MCCC1: variants seen among roughly 807,000 people sequenced by gnomAD.
The protein encoded by MCCC1 is methylcrotonyl-CoA carboxylase subunit 1.
Under a neutral mutation model 83.8 loss-of-function variants are expected in MCCC1, and 64 were observed. The observed-to-expected ratio is 0.76, with a 90% CI of 0.62 to 0.94. MCCC1 has a LOEUF of 0.94. Ranked by LOEUF, MCCC1 falls within the 40% of genes least tolerant of loss-of-function variation. The probability of loss-of-function intolerance (pLI) is 0.00; values close to 1 mark genes in which losing one functional copy is unlikely to be tolerated. For missense variants in MCCC1, 807 were observed against 904.7 expected (o/e 0.89, Z 1.39); for synonymous variants, 322 against 315.4 (o/e 1.02, Z -0.22).
At chr3:183,069,033 T>C (rs1360755117) in intron 7 of MCCC1, among the ~76,000 whole-genome samples, 1 of 152,228 alleles carries the variant, frequency 6.6e-6, no homozygotes, top group Non-Finnish European at 1.5e-5. Context: ...AGAATATTAA[T>C]AATAATTAGG....
rs1718784618 is a variant in MCCC1, at chr3:183,097,013, G to C, written c.89+2339C>G. On this transcript the variant is annotated intron_variant, in intron 1 of 18. Transcript: ENST00000265594. ...TTGCAATCTTCTAGTGAAGACAGAA[G>C]AAGGGAGAGAGGGAAAAAGAGGGAG... Among the ~76,000 whole-genome samples, 3 of 152,218 alleles carry C rather than the reference G, an allele frequency of 2.0e-5. No individual in the cohort carries two copies. The South Asian group carries it at 6.2e-4, about 32-fold the overall frequency.
intron 11 of MCCC1, among the ~76,000 whole-genome samples, chr3:183,039,415 T>C (rs1713888243): frequency 6.6e-6 from 1 of 152,106 alleles, no homozygotes; most frequent in South Asian, 2.1e-4. Flanking sequence ...TGAATCTTCT[T>C]TTCCCTTCTC....
At chr3:183,056,861 A>C (rs1476498551) in intron 8 of MCCC1, among the ~76,000 whole-genome samples, 1 of 152,048 alleles carries the variant, frequency 6.6e-6, no homozygotes, top group East Asian at 1.9e-4. Flanking sequence ...AGCCCGGCTA[A>C]TTTTGTATTT....
chr3:183,095,374 T>C (rs1275658093), intron 1 of MCCC1, among the ~76,000 whole-genome samples: 2 of 152,168 alleles, frequency 1.3e-5, no homozygotes, highest in Middle Eastern at 3.2e-3. Flanking sequence ...ATCTACAGTT[T>C]GAAAAATACC....
At chr3:183,106,839 C>T (rs1291938668) in intron 1 of MCCC1, among the ~76,000 whole-genome samples, 1 of 152,082 alleles carries the variant, frequency 6.6e-6, no homozygotes, top group African/African-American at 2.4e-5. Context: ...CTTTCTCTCT[C>T]TCCCTCTCCT....
chr3:183,027,595 T>C (rs1712716045), intron 14 of MCCC1, among the ~76,000 whole-genome samples: 1 of 152,172 alleles, frequency 6.6e-6, no homozygotes, highest in Non-Finnish European at 1.5e-5. Context: ...GCAGGACTGC[T>C]TGAGCCTGGG....
rs190336815 is a variant in MCCC1 at position 183,064,932 on chromosome 3, C to T, written c.761+6067G>A. Among the ~76,000 whole-genome samples, 1 of 152,316 alleles carries T rather than the reference C, an allele frequency of 6.6e-6. No homozygotes were observed. The highest frequency in any genetic ancestry group is 1.5e-5 in the Non-Finnish European group (1 of 68,014). ...TTCCCCATCCTGCCACAAAGCAATG[C>T]TTTTCTCCCTTCCCTTCCCTTTCTC... On this transcript the variant is annotated intron_variant, in intron 7 of 18. Coordinates refer to ENST00000265594, the MANE Select transcript of MCCC1 (RefSeq NM_020166.5). The surrounding 1 kb of genome is among the most constrained non-coding windows in gnomAD (Gnocchi z 4.5).
intron 14 of MCCC1, among the ~76,000 whole-genome samples, chr3:183,028,429 G>A (rs1211327430): frequency 6.6e-6 from 1 of 152,186 alleles, no homozygotes; most frequent in Non-Finnish European, 1.5e-5. Context: ...ACGGATCAAG[G>A]AGTAATTTCA....
At chr3:183,030,611 A>G (rs1712982560) in intron 14 of MCCC1, among the ~76,000 whole-genome samples, 1 of 152,206 alleles carries the variant, frequency 6.6e-6, no homozygotes, top group Middle Eastern at 3.2e-3. Flanking sequence ...TTGTTTCAGA[A>G]AAATTATCAA....
intron 7 of MCCC1, among the ~76,000 whole-genome samples, chr3:183,060,628 GGTTT>G (rs200837833): frequency 0.029 from 4,438 of 152,154 alleles, 222 homozygotes; most frequent in African/African-American, 0.1. Context: ...ACAACGTGCA[GGTTT>G]GTTACATATG....
At chr3:183,092,675 A>C in intron 2 of MCCC1, 130 bp from the exon 3 acceptor site, 1 of 1,134,196 alleles carries the variant, frequency 8.8e-7, no homozygotes, top group Non-Finnish European at 1.3e-6. Flanking sequence ...AACTAGCATA[A>C]CTGAGCCCAA....
chr3:183,072,281 G>C (rs557845662), intron 5 of MCCC1, 85 bp downstream of exon 5: 1 of 1,499,026 alleles, frequency 6.7e-7, no homozygotes, highest in South Asian at 1.2e-5. Context: ...CAAAACACTG[G>C]TATTACAGGC....
At chr3:183,115,248 T>C (rs1181549048) in intron 1 of MCCC1, among the ~76,000 whole-genome samples, 4 of 152,210 alleles carry the variant, frequency 2.6e-5, no homozygotes. Flanking sequence ...TCCTCTGCCA[T>C]CTGCCAGGGC....
intron 3 of MCCC1, among the ~76,000 whole-genome samples, chr3:183,088,211 T>TG (rs1491209568): frequency 1.6e-4 from 20 of 126,676 alleles, no homozygotes; most frequent in Admixed American, 4.6e-4. Context: ...TTGTTGTGTG[T>TG]TTTTTTTTTT....
chr3:183,049,687 C>T (rs919289090), intron 9 of MCCC1, among the ~76,000 whole-genome samples: 3 of 151,812 alleles, frequency 2.0e-5, no homozygotes, highest in African/African-American at 7.3e-5. Flanking sequence ...AAAAAGAGGT[C>T]TATTACTACA....
At chr3:183,086,080 G>A (rs1008632177) in intron 4 of MCCC1, among the ~76,000 whole-genome samples, 3 of 152,182 alleles carry the variant, frequency 2.0e-5, no homozygotes, top group African/African-American at 7.2e-5. Flanking sequence ...CCTGCCTTCA[G>A]CTCTCTAACA....
chr3:183,094,255 G>A (rs1367628032), intron 2 of MCCC1, among the ~76,000 whole-genome samples: 1 of 151,826 alleles, frequency 6.6e-6, no homozygotes, highest in Non-Finnish European at 1.5e-5. Context: ...TTGCCATGTT[G>A]TCCAGGCTGG....
intron 4 of MCCC1, among the ~76,000 whole-genome samples, chr3:183,083,270 C>T (rs971764589): frequency 6.6e-6 from 1 of 152,132 alleles, no homozygotes; most frequent in African/African-American, 2.4e-5. Context: ...CGGCAAGTAT[C>T]TTTTTATTAG....
At position 183,044,460 on chromosome 3, in the gene MCCC1, AAACATTTACTCTGAATG is replaced by A. The variant is rs534216907; in HGVS notation, c.1083+936_1083+952del. 2.9e-4 allele frequency among the ~76,000 whole-genome samples: 44 copies of A among 152,328 alleles called. No homozygotes were observed. In the South Asian group the frequency reaches 9.1e-3, roughly 32 times the overall value. ...ATGCCAAAATGCTTTAAAAGTTTCC[AAACATTTACTCTGAATG>A]AACATTTACTCATGGGCCCGCAACA... On this transcript the variant is annotated intron_variant, in intron 10 of 18. Coordinates refer to ENST00000265594, the MANE Select transcript of MCCC1 (RefSeq NM_020166.5).
Sources: allele counts gnomAD v4.1 joint callset (sites outside exome capture counted in the v4.1 genomes callset), GRCh38; gene constraint gnomAD v4.1.1; non-coding constraint Gnocchi (gnomAD v3.1); transcripts MANE v1.5; gene names NCBI Gene and HGNC (gene_info 2026-07-23, HGNC 2026-07-21).